Variants in PPFIA2 observed in about 807,000 individuals in gnomAD.
The protein encoded by PPFIA2 is PPFI scaffold protein A2.
In PPFIA2, 46 loss-of-function variants were observed where a neutral mutation model predicts 175.5. The ratio of observed to expected loss-of-function variants is 0.26; its 90% CI spans 0.21 to 0.34. PPFIA2 has a LOEUF of 0.34. Among genes scored for constraint, PPFIA2 ranks in the 10% least tolerant of loss-of-function variants. PPFIA2 has a pLI of 1.00. For missense variants in PPFIA2, 1,179 were observed against 1,506.1 expected (o/e 0.78, Z 3.60); for synonymous variants, 568 against 511.4 (o/e 1.11, Z -1.49).
At chr12:81,600,361 C>T (rs2059662267) in intron 4 of PPFIA2, among the ~76,000 whole-genome samples, 1 of 151,828 alleles carries the variant, frequency 6.6e-6, no homozygotes, top group South Asian at 2.1e-4. Flanking sequence ...TTCAGGTTGT[C>T]TCCTGTGTCC....
chr12:81,435,582 A>AAG (rs999346742), intron 7 of PPFIA2, among the ~76,000 whole-genome samples: 22 of 150,606 alleles, frequency 1.5e-4, no homozygotes, highest in Non-Finnish European at 2.1e-4. Flanking sequence ...GAGAGAGAGA[A>AAG]AGAGAGAGAG....
intron 7 of PPFIA2, among the ~76,000 whole-genome samples, chr12:81,412,880 A>G (rs1361472196): frequency 2.6e-5 from 4 of 151,948 alleles, no homozygotes; most frequent in Non-Finnish European, 4.4e-5. Flanking sequence ...TTCTATTCAT[A>G]TTGCGTGCTC....
At chr12:81,738,588 G>T (rs903870533) in intron 3 of PPFIA2, among the ~76,000 whole-genome samples, 4 of 151,578 alleles carry the variant, frequency 2.6e-5, no homozygotes, top group African/African-American at 7.3e-5. Context: ...GTAATTTGTA[G>T]GTTAGCAAAA....
intron 4 of PPFIA2, among the ~76,000 whole-genome samples, chr12:81,534,676 G>A (rs2065126400): frequency 6.6e-6 from 1 of 151,670 alleles, no homozygotes; most frequent in Non-Finnish European, 1.5e-5. Flanking sequence ...AACTTTTCTA[G>A]AAACAACCCA....
intron 4 of PPFIA2, among the ~76,000 whole-genome samples, chr12:81,565,441 A>G (rs1023721245): frequency 6.6e-6 from 1 of 152,096 alleles, no homozygotes; most frequent in Non-Finnish European, 1.5e-5. Flanking sequence ...CAGATGGCCT[A>G]TTGTGGGACC....
chr12:81,552,365 A>ATTT (rs139313256), intron 4 of PPFIA2, among the ~76,000 whole-genome samples: 1 of 149,624 alleles, frequency 6.7e-6, no homozygotes, highest in Non-Finnish European at 1.5e-5. Context: ...TAATATACAC[A>ATTT]TTTTTTTTTT....
At chr12:81,309,140 T>C (rs1048592363) in intron 22 of PPFIA2, among the ~76,000 whole-genome samples, 1 of 152,162 alleles carries the variant, frequency 6.6e-6, no homozygotes, top group South Asian at 2.1e-4. Context: ...AAAATGTATA[T>C]TGTTTCACTA....
At chr12:81,552,980 T>G (rs2068189517) in intron 4 of PPFIA2, among the ~76,000 whole-genome samples, 1 of 152,076 alleles carries the variant, frequency 6.6e-6, no homozygotes, top group Admixed American at 6.6e-5. Context: ...CCTCTGCCAT[T>G]CACTTTGCTC....
intron 6 of PPFIA2, among the ~76,000 whole-genome samples, chr12:81,444,814 A>G (rs1358136211): frequency 6.6e-6 from 1 of 152,138 alleles, no homozygotes; most frequent in Non-Finnish European, 1.5e-5. Flanking sequence ...CCCAATTTCC[A>G]CTCTAACTCC....
chr12:81,288,292 G>A (rs2044005631), intron 24 of PPFIA2, among the ~76,000 whole-genome samples: 1 of 151,724 alleles, frequency 6.6e-6, no homozygotes, highest in South Asian at 2.1e-4. Context: ...GTCCTGGGAG[G>A]CTATAATTTA....
intron 3 of PPFIA2, among the ~76,000 whole-genome samples, chr12:81,721,423 T>C (rs532958725): frequency 7.0e-4 from 105 of 150,728 alleles, no homozygotes; most frequent in Admixed American, 1.5e-3. Flanking sequence ...GAAATTCTAT[T>C]CCATTAACAC....
intron 4 of PPFIA2, among the ~76,000 whole-genome samples, chr12:81,563,160 G>C (rs768325212): frequency 1.1e-4 from 17 of 151,922 alleles, no homozygotes; most frequent in Non-Finnish European, 2.1e-4. Context: ...TCCTGCCCAA[G>C]TATATCAGTT....
At chr12:81,280,396 G>C (rs1372457893) in intron 27 of PPFIA2, among the ~76,000 whole-genome samples, 1 of 151,964 alleles carries the variant, frequency 6.6e-6, no homozygotes, top group Non-Finnish European at 1.5e-5. Flanking sequence ...GGAAGCAAAA[G>C]CCCCAATTAT....
At chr12:81,554,023 T>A (rs988004757) in intron 4 of PPFIA2, among the ~76,000 whole-genome samples, 1 of 151,320 alleles carries the variant, frequency 6.6e-6, no homozygotes, top group African/African-American at 2.4e-5. Context: ...TTAATACAAC[T>A]TTTTTTTGCT....
intron 4 of PPFIA2, among the ~76,000 whole-genome samples, chr12:81,656,000 T>C (rs1487076466): frequency 6.6e-6 from 1 of 152,060 alleles, no homozygotes; most frequent in African/African-American, 2.4e-5. Context: ...ACTTCAATAT[T>C]GAAAGCTCTC....
chr12:81,439,162 T>C (rs1268523134), intron 7 of PPFIA2, among the ~76,000 whole-genome samples: 3 of 150,368 alleles, frequency 2.0e-5, no homozygotes, highest in South Asian at 4.2e-4. Flanking sequence ...TCTCTCTCTC[T>C]CTCCCTCTCT....
chr12:81,312,983 G>A (rs1316323188), intron 22 of PPFIA2, among the ~76,000 whole-genome samples: 1 of 151,808 alleles, frequency 6.6e-6, no homozygotes, highest in African/African-American at 2.4e-5. Context: ...CTCTTTCAGT[G>A]GTAGAAATAT....
chr12:81,740,494 A>C (rs993052279), intron 3 of PPFIA2, among the ~76,000 whole-genome samples: 3 of 152,176 alleles, frequency 2.0e-5, no homozygotes, highest in Non-Finnish European at 4.4e-5. Context: ...GTTTTAAAAG[A>C]AGATGTCCAC....
chr12:81,671,598 C>T (rs905184478), intron 4 of PPFIA2, among the ~76,000 whole-genome samples: 1 of 151,830 alleles, frequency 6.6e-6, no homozygotes, highest in African/African-American at 2.4e-5. Flanking sequence ...GTTGACTCTT[C>T]TGTTTAAAGA....
Sources: gnomAD v4.1 joint callset for allele counts (sites outside exome capture counted in the v4.1 genomes callset) on GRCh38, gnomAD v4.1.1 for gene constraint, MANE v1.5 for transcripts, NCBI Gene and HGNC (gene_info 2026-07-23, HGNC 2026-07-21) for gene names.